The following HNRNPUL1 variants were observed in gnomAD, a reference collection of about 807,000 sequenced individuals.
HNRNPUL1 encodes the protein heterogeneous nuclear ribonucleoprotein U like 1.
Under a neutral mutation model 108.5 loss-of-function variants are expected in HNRNPUL1, and 14 were observed. That is an observed-to-expected ratio of 0.13 (90% CI 0.09 to 0.20). The LOEUF (loss-of-function observed/expected upper bound fraction) is 0.20, where lower values mean the gene tolerates loss of function less well. HNRNPUL1 is among the 10% of genes least tolerant of loss of function. The pLI is 1.00. For missense variants in HNRNPUL1, 804 were observed against 1,168.3 expected, an observed-to-expected ratio of 0.69 and a Z score of 4.55; for synonymous variants, 422 against 445.2, an observed-to-expected ratio of 0.95 and a Z score of 0.66.
rs1298323548 is a variant in HNRNPUL1 at position 41,264,635 on chromosome 19, C to CGA, written c.134_135dup (p.Arg46SerfsTer97). ...CGTTGGAGGCCGAGGAGCCTGACGA[C>CGA]GAGCGGGAGCTCGACGCCGACGACG... On this transcript the variant is annotated frameshift_variant, in exon 1 of 15. Transcript: ENST00000392006. LOFTEE classifies it high-confidence loss of function. The CGA allele has an allele frequency of 6.3e-7, 1 of 1,584,450 alleles. No homozygotes were observed. Among genetic ancestry groups the CGA allele is most frequent in the Non-Finnish European group, 8.5e-7 (1 of 1,173,072 alleles).
At position 41,267,405 on chromosome 19, in the gene HNRNPUL1, G is replaced by A. The variant is rs548157830; in HGVS notation, c.296-818G>A. 1.4e-4 allele frequency among the ~76,000 whole-genome samples: 22 copies of A among 152,218 alleles called. 1 individual carries two copies. The highest frequency in any genetic ancestry group is 2.8e-4 in the Non-Finnish European group (19 of 68,002). ...GGAAGCAGCAGAATAGTTTGAAAGGGCCCCATATTCCAATTAAGGAGATAA... is the reference window on the plus strand; with the variant it reads ...GGAAGCAGCAGAATAGTTTGAAAGGACCCCATATTCCAATTAAGGAGATAA... On this transcript the variant is annotated intron_variant, in intron 1 of 14. Coordinates refer to ENST00000392006, the MANE Select transcript of HNRNPUL1 (RefSeq NM_007040.6).
In HNRNPUL1 at chr19:41,294,825, C is replaced by T; in HGVS notation, c.1518+139C>T. ...GCTAGTCGGGGGGGTCAGACCTTGT[C>T]ATACATGATGACATGGTACTACACA... On this transcript the variant is annotated intron_variant, in intron 10 of 14. Transcript: ENST00000392006. This position sits in a 1 kb window ranked among gnomAD's most constrained non-coding sequence, Gnocchi z 4.3. 1.0e-6 allele frequency: 1 copy of T among 974,166 alleles called. No homozygotes were observed. Among genetic ancestry groups the T allele is most frequent in the Non-Finnish European group, 1.5e-6 (1 of 648,948 alleles). 60.3% of individuals were successfully genotyped at this position (974,166 alleles called of 1,614,324 possible). A position where few individuals can be genotyped will look rare whatever the true frequency, so the allele number is the denominator to read the frequency against.
chr19:41,297,845 C>A (rs1177210627), intron 10 of HNRNPUL1, among the ~76,000 whole-genome samples: 1 of 152,066 alleles, frequency 6.6e-6, no homozygotes, highest in Non-Finnish European at 1.5e-5. Context: ...AACAGAAACC[C>A]AGGGCTAGAA....
rs1198020026 is a variant in HNRNPUL1 at position 41,307,358 on chromosome 19, ATTGAAC to A, written c.*799_*804del. 6.6e-6 allele frequency: 1 copy of A among 152,534 alleles called. No homozygotes were observed. Among genetic ancestry groups the A allele is most frequent in the Non-Finnish European group, 1.5e-5 (1 of 68,010 alleles). 9.4% of individuals were successfully genotyped at this position (152,534 alleles called of 1,614,324 possible). ...CTTTTTGTATTTGGAGAGAGTGACT[ATTGAAC>A]TTGAAACCTTTTATTCCGGGCGTCT... On this transcript the variant is annotated 3_prime_UTR_variant, in exon 15 of 15. Coordinates refer to ENST00000392006, the MANE Select transcript of HNRNPUL1 (RefSeq NM_007040.6).
chr19:41,264,930 A>T lies in HNRNPUL1; in HGVS notation c.295+132A>T, dbSNP rs568214825. The T allele has an allele frequency of 2.2e-6, 3 of 1,338,742 alleles. No homozygotes were observed. The East Asian group carries it at 9.1e-5, about 41-fold the overall frequency. 82.9% of individuals were successfully genotyped at this position (1,338,742 alleles called of 1,614,324 possible). The stretch of plus-strand genomic sequence containing the variant: ...CGGGGGATCCCGCTACCCGCCGCCG[A>T]AAAGGATCTGGGGACCAGGGCCCCA... On this transcript the variant is annotated intron_variant, in intron 1 of 14. Transcript: ENST00000392006.
intron 12 of HNRNPUL1, 137 bp downstream of exon 12, chr19:41,303,086 G>A (rs1436415399): frequency 2.3e-5 from 23 of 998,926 alleles, no homozygotes; most frequent in Non-Finnish European, 3.2e-5. Context: ...CTTGAAACAA[G>A]TCAGACACGG....
rs1486470334 is a variant in HNRNPUL1 at position 41,264,767 on chromosome 19, G to A, written c.264G>A (p.Glu88=). Residue 88 remains glutamate, a synonymous_variant, in exon 1 of 15, where the codon GAG becomes GAA. Transcript: ENST00000392006. The stretch of plus-strand genomic sequence containing the variant: ...CGCCCGGGCTGCAGCCGCACGCGGA[G>A]CCCGGCGGCTACTCGGGGCCGGACG... ...PPPPGLQPHA[E]PGGYSGPDGH... 2 of 1,378,330 alleles carry A rather than the reference G, an allele frequency of 1.5e-6. No homozygotes were observed. The highest frequency in any genetic ancestry group is 3.4e-5 in the Admixed American group (1 of 29,752). The allele number at this position is 1,378,330 out of a possible 1,614,324, so 85.4% of individuals were successfully genotyped here. A position where few individuals can be genotyped will look rare whatever the true frequency, so the allele number is the denominator to read the frequency against.
chr19:41,301,193 C>T (rs1055114676), intron 10 of HNRNPUL1, among the ~76,000 whole-genome samples: 1 of 152,118 alleles, frequency 6.6e-6, no homozygotes, highest in African/African-American at 2.4e-5. Context: ...AAACTTTATG[C>T]CTTATACTGT....
chr19:41,278,615 T>C (rs2035717204), intron 5 of HNRNPUL1, among the ~76,000 whole-genome samples: 1 of 151,998 alleles, frequency 6.6e-6, no homozygotes, highest in Non-Finnish European at 1.5e-5. Context: ...GTTGTTTTTT[T>C]CTTTTAATGT....
chr19:41,275,435 C>A (rs920191815), intron 4 of HNRNPUL1, among the ~76,000 whole-genome samples: 5 of 151,978 alleles, frequency 3.3e-5, no homozygotes, highest in African/African-American at 9.7e-5. Flanking sequence ...TTGCAGTGAG[C>A]CGAGATCATG....
intron 7 of HNRNPUL1, among the ~76,000 whole-genome samples, chr19:41,286,193 T>G (rs2036215855): frequency 6.6e-6 from 1 of 152,146 alleles, no homozygotes; most frequent in Admixed American, 6.5e-5. Flanking sequence ...CCTTTTTTTT[T>G]TTTTCAGTAT....
intron 1 of HNRNPUL1, among the ~76,000 whole-genome samples, chr19:41,266,075 A>AAT (rs2034823933): frequency 6.6e-6 from 1 of 152,116 alleles, no homozygotes; most frequent in Admixed American, 6.5e-5. Context: ...GGGTTCGGGT[A>AAT]GACCTGCGGT....
chr19:41,270,593 C>CTTTTTTTT (rs71177707), intron 2 of HNRNPUL1, among the ~76,000 whole-genome samples: 4 of 118,830 alleles, frequency 3.4e-5, no homozygotes, highest in Non-Finnish European at 5.0e-5. Context: ...TCTCCCTTCC[C>CTTTTTTTT]TTTTTTTTTT....
intron 1 of HNRNPUL1, among the ~76,000 whole-genome samples, chr19:41,266,909 C>CTG (rs1304171954): frequency 1.3e-5 from 2 of 152,078 alleles, no homozygotes; most frequent in African/African-American, 2.4e-5. Flanking sequence ...AGGAGTGGGC[C>CTG]TGTGTGTGTG....
chr19:41,289,790 G>A (rs191038246), intron 7 of HNRNPUL1, among the ~76,000 whole-genome samples: 3 of 142,834 alleles, frequency 2.1e-5, no homozygotes, highest in African/African-American at 8.0e-5. Context: ...TCGGCTCACT[G>A]CAACCTCCAA....
intron 7 of HNRNPUL1, among the ~76,000 whole-genome samples, chr19:41,289,850 T>C (rs2036480088): frequency 6.6e-6 from 1 of 151,754 alleles, no homozygotes; most frequent in Admixed American, 6.6e-5. Context: ...GTAGCTGGGA[T>C]TACAGGCACT....
At chr19:41,297,492 T>TG (rs2036959811) in intron 10 of HNRNPUL1, among the ~76,000 whole-genome samples, 1 of 152,194 alleles carries the variant, frequency 6.6e-6, no homozygotes. Flanking sequence ...GGTGTCTCTT[T>TG]GGGGTCCTCT....
intron 1 of HNRNPUL1, among the ~76,000 whole-genome samples, chr19:41,266,268 A>G (rs1449268732): frequency 3.3e-5 from 5 of 152,056 alleles, no homozygotes; most frequent in Non-Finnish European, 7.4e-5. Flanking sequence ...CCCTGTCTCT[A>G]CTAAAAATAC....
At chr19:41,275,320 C>A (rs769662626) in intron 4 of HNRNPUL1, among the ~76,000 whole-genome samples, 34 of 152,036 alleles carry the variant, frequency 2.2e-4, no homozygotes, top group Non-Finnish European at 3.1e-4. Flanking sequence ...GAAACCCTGT[C>A]TACGAAAAAT....
Sources: allele counts gnomAD v4.1 joint callset (sites outside exome capture counted in the v4.1 genomes callset), GRCh38; gene constraint gnomAD v4.1.1; non-coding constraint Gnocchi (gnomAD v3.1); transcripts MANE v1.5; gene names NCBI Gene and HGNC (gene_info 2026-07-23, HGNC 2026-07-21).